The following CPS1 variants were observed in gnomAD, a reference collection of about 807,000 sequenced individuals.
CPS1 encodes the protein carbamoyl-phosphate synthase [ammonia], mitochondrial.
CPS1 carries 109 observed loss-of-function variants against 174.6 expected under a neutral mutation model. The ratio of observed to expected loss-of-function variants is 0.62; its 90% CI spans 0.53 to 0.73. CPS1 has a LOEUF of 0.73. Among genes scored for constraint, CPS1 ranks in the 30% least tolerant of loss-of-function variants. The pLI, the probability that CPS1 is intolerant of heterozygous loss-of-function variation, is 0.00. For missense variants in CPS1, 1,689 were observed against 1,821.9 expected, an observed-to-expected ratio of 0.93 and a Z score of 1.33; for synonymous variants, 637 against 632.0, an observed-to-expected ratio of 1.01 and a Z score of -0.12.
At chr2:210,520,985 G>T (rs1695809487) in intron 1 of CPS1, among the ~76,000 whole-genome samples, 1 of 152,046 alleles carries the variant, frequency 6.6e-6, no homozygotes, top group African/African-American at 2.4e-5. Flanking sequence ...AGTGGATCAT[G>T]CGGTGAGTGT....
At chr2:210,617,817 GGTTTATGAT>G (rs1699362242) in intron 21 of CPS1, 2 of 151,834 alleles carry the variant, frequency 1.3e-5, no homozygotes, top group South Asian at 4.2e-4. Flanking sequence ...TCCCTTTCTT[GGTTTATGAT>G]GCCAGCAGAA....
intron 1 of CPS1, among the ~76,000 whole-genome samples, chr2:210,567,498 G>A (rs1697340426): frequency 6.6e-6 from 1 of 152,012 alleles, no homozygotes; most frequent in Admixed American, 6.6e-5. Flanking sequence ...GTAAAATTTG[G>A]CAAGCATTTT....
At chr2:210,490,694 T>C (rs1266692700) in intron 1 of CPS1, among the ~76,000 whole-genome samples, 1 of 152,230 alleles carries the variant, frequency 6.6e-6, no homozygotes, top group Non-Finnish European at 1.5e-5. Flanking sequence ...GCCAGGGCTA[T>C]AAGTAACAAA....
chr2:210,607,243 GT>G (rs1371106061), intron 18 of CPS1, among the ~76,000 whole-genome samples: 2 of 151,946 alleles, frequency 1.3e-5, no homozygotes, highest in African/African-American at 4.8e-5. Flanking sequence ...GTTGTTAAAA[GT>G]GCAGATTAAT....
intron 1 of CPS1, among the ~76,000 whole-genome samples, chr2:210,505,297 ATTAC>A (rs1695247619): frequency 6.6e-6 from 1 of 151,728 alleles, no homozygotes; most frequent in South Asian, 2.1e-4. Flanking sequence ...CAAAACTGCA[ATTAC>A]TTTAGCACCA....
rs1423679898 is a variant in CPS1, at chr2:210,676,989, TTTTG to T, written c.4275-14_4275-11del. 5 of 1,610,904 alleles carry T rather than the reference TTTTG, an allele frequency of 3.1e-6. No individual in the cohort carries two copies. In the East Asian group the frequency reaches 6.7e-5, roughly 22 times the overall value. Reference sequence around the variant, plus strand: ...AAAATATGCCTTGTTGTCTATAAGTTTTTGTTTATTTTTCCAGATTGATTAGAGA... The same window carrying T: ...AAAATATGCCTTGTTGTCTATAAGTTTTTATTTTTCCAGATTGATTAGAGA... On this transcript the variant is annotated splice_polypyrimidine_tract_variant and intron_variant, in intron 36 of 37. Coordinates refer to ENST00000233072, the MANE Select transcript of CPS1 (RefSeq NM_001875.5).
intron 6 of CPS1, among the ~76,000 whole-genome samples, chr2:210,583,012 A>G (rs969136257): frequency 6.6e-6 from 1 of 152,108 alleles, no homozygotes; most frequent in Non-Finnish European, 1.5e-5. Context: ...TAAAGGAAGC[A>G]CTGAATTGCC....
chr2:210,620,945 T>C (rs1330443475), intron 21 of CPS1, among the ~76,000 whole-genome samples: 1 of 152,110 alleles, frequency 6.6e-6, no homozygotes, highest in Non-Finnish European at 1.5e-5. Flanking sequence ...GAACTCAGTA[T>C]GCTGTCTCTA....
At chr2:210,600,837 G>T in intron 15 of CPS1, 125 bp downstream of exon 15, 1 of 1,090,468 alleles carries the variant, frequency 9.2e-7, no homozygotes, top group Non-Finnish European at 1.4e-6. Flanking sequence ...TTCTAGAATT[G>T]TGTTAATAGT....
chr2:210,594,557 C>A lies in CPS1; in HGVS notation c.1214C>A (p.Thr405Asn), dbSNP rs138254425. The change falls in exon 12 of 38, where the codon ACC (threonine) becomes AAC (asparagine). Residue 405 changes from threonine (T) to asparagine (N), a missense_variant. Physicochemically the swap from Thr to Asn is moderately conservative, Grantham distance 65. Transcript: ENST00000233072. ...FSLIKKGKATTITSVLPKPAL... is the reference protein window; with the variant it reads ...FSLIKKGKATNITSVLPKPAL... ...CTGATAAAGAAAGGAAAAGCTACCA[C>A]CATTACATCAGTCTTACCGAAGCCA... The A allele has an allele frequency of 7.0e-4, 1,135 of 1,611,358 alleles. 2 individuals are homozygous for A. The African/African-American group carries it at 0.013, about 18-fold the overall frequency.
Position 210,573,329 on chromosome 2 carries a change from G to A in CPS1, c.158G>A (p.Gly53Glu), listed in dbSNP as rs140092912. 2 of 1,613,188 alleles carry A rather than the reference G, an allele frequency of 1.2e-6. No individual in the cohort carries two copies. The highest frequency in any genetic ancestry group is 1.7e-6 in the Non-Finnish European group (2 of 1,179,242). The change falls in exon 2 of 38, where the codon GGA (glycine) becomes GAA (glutamate). Residue 53 changes from glycine (G) to glutamate (E), a missense_variant. Coordinates refer to ENST00000233072, the MANE Select transcript of CPS1 (RefSeq NM_001875.5). ...AQTAHIVLED[G>E]TKMKGYSFGH... is the part of the protein sequence containing the mutation. The stretch of plus-strand genomic sequence containing the variant: ...ACAGCACACATTGTCCTGGAAGATG[G>A]AACTAAGATGAAAGGTTACTCCTTT...
At chr2:210,554,957 G>T (rs1235172503), upstream of CPS1, among the ~76,000 whole-genome samples, 5 of 151,806 alleles carry the variant, frequency 3.3e-5, no homozygotes, top group Admixed American at 6.6e-5. Context: ...TCTAGGTTGG[G>T]AGTTTTCCTT....
At chr2:210,556,460 C>A, upstream of CPS1, 1 of 791,306 alleles carries the variant, frequency 1.3e-6, no homozygotes, top group Non-Finnish European at 2.0e-6. Context: ...ATTATTTTAG[C>A]AGGAGAAGGT....
intron 24 of CPS1, among the ~76,000 whole-genome samples, chr2:210,641,284 G>T (rs370782115): frequency 1.3e-5 from 2 of 151,988 alleles, no homozygotes; most frequent in South Asian, 4.2e-4. Context: ...ATCATGCTTG[G>T]CTTATTTTTA....
At chr2:210,582,773 C>CA in intron 6 of CPS1, 64 bp downstream of exon 6, 3 of 1,263,242 alleles carry the variant, frequency 2.4e-6, no homozygotes, top group Non-Finnish European at 3.5e-6. Context: ...CTTGAAATAT[C>CA]AAAATCTTTA....
At chr2:210,584,236 G>A (rs541991568) in intron 6 of CPS1, among the ~76,000 whole-genome samples, 2 of 152,176 alleles carry the variant, frequency 1.3e-5, no homozygotes, top group East Asian at 3.9e-4. Context: ...GGAGAATTTA[G>A]CCCTGTGGAA....
At chr2:210,578,302 G>A (rs1483409421) in intron 4 of CPS1, among the ~76,000 whole-genome samples, 1 of 151,916 alleles carries the variant, frequency 6.6e-6, no homozygotes, top group African/African-American at 2.4e-5. Flanking sequence ...TAGAGACGGG[G>A]TTTCACCATG....
At chr2:210,612,392 C>A in intron 20 of CPS1, 99 bp downstream of exon 20, 2 of 1,456,310 alleles carry the variant, frequency 1.4e-6, no homozygotes, top group Admixed American at 3.4e-5. Context: ...GGTTTTAAAT[C>A]AGGGATTTTT....
chr2:210,602,219 G>A lies in CPS1; in HGVS notation c.1725G>A (p.Lys575=), dbSNP rs757533746. The change falls in exon 16 of 38, where the codon AAG becomes AAA. Residue 575 remains lysine, a synonymous_variant. Transcript: ENST00000233072. ...FAVESIEDAL[K]AADTIGYPVM... Reference sequence around the variant, plus strand: ...GTTGACAGATTGAGGATGCACTGAAGGCAGCAGACACCATTGGCTACCCAG... The same window carrying A: ...GTTGACAGATTGAGGATGCACTGAAAGCAGCAGACACCATTGGCTACCCAG... 3 of 1,612,302 alleles carry A rather than the reference G, an allele frequency of 1.9e-6. No individual in the cohort carries two copies. The highest frequency in any genetic ancestry group is 2.2e-5 in the South Asian group (2 of 91,076).
Sources: gnomAD v4.1 joint callset for allele counts (sites outside exome capture counted in the v4.1 genomes callset) on GRCh38, gnomAD v4.1.1 for gene constraint, MANE v1.5 for transcripts, NCBI Gene and HGNC (gene_info 2026-07-23, HGNC 2026-07-21) for gene names.